PCGF2: variants seen among roughly 807,000 people sequenced by gnomAD.
PCGF2 encodes polycomb group RING finger protein 2.
Under a neutral mutation model 36.1 loss-of-function variants are expected in PCGF2, and 8 were observed. The observed-to-expected ratio is 0.22, with a 90% CI of 0.13 to 0.40. The LOEUF is 0.40. Among genes scored for constraint, PCGF2 ranks in the 10% least tolerant of loss-of-function variants. The probability of loss-of-function intolerance (pLI) is 1.00; values close to 1 mark genes in which losing one functional copy is unlikely to be tolerated. For missense variants in PCGF2, 436 were observed against 475.9 expected (o/e 0.92, Z 0.78); for synonymous variants, 198 against 191.2 (o/e 1.04, Z -0.29).
rs752386425 is a variant in PCGF2 at position 38,735,304 on chromosome 17, C to A, written c.954G>T (p.Leu318Phe). Reference sequence around the variant, plus strand: ...TGGAGGATGGTGTCTGCAGGCAGTTCAAGCTACCCCCGTTGGCAGCTGTGG... The same window carrying A: ...TGGAGGATGGTGTCTGCAGGCAGTTAAAGCTACCCCCGTTGGCAGCTGTGG... ...GATTAANGGS[L>F]NCLQTPSSTS... The change falls in exon 11 of 11, where the codon TTG (leucine) becomes TTT (phenylalanine). Residue 318 changes from leucine (L) to phenylalanine (F), a missense_variant. By Grantham distance (22) the Leu-to-Phe change is conservative (BLOSUM62 0). This residue lies in a region of PCGF2 where 227 missense variants were observed against 212.9 expected (regional missense o/e 1.07). Transcript: ENST00000620225. 2 of 1,520,820 alleles carry A rather than the reference C, an allele frequency of 1.3e-6. No homozygotes were observed. The highest frequency in any genetic ancestry group is 1.9e-5 in the Admixed American group (1 of 51,322). 94.2% of individuals were successfully genotyped at this position (1,520,820 alleles called of 1,614,324 possible).
At chr17:38,748,375 AGGGGGGAGGGGAGGGACCGGAGTGTG>A (rs1907697627), upstream of PCGF2, 1 of 8,722 alleles carries the variant, frequency 1.1e-4, no homozygotes, top group Non-Finnish European at 2.2e-4. Flanking sequence ...GAGGGGACCG[AGGGGGGAGGGGAGGGACCGGAGTGTG>A]GGGGGGAGAC....
chr17:38,739,215 AC>A lies in PCGF2; in HGVS notation c.247del (p.Val83SerfsTer9). On this transcript the variant is annotated frameshift_variant, in exon 5 of 11. Transcript: ENST00000620225. LOFTEE classifies it high-confidence loss of function. This position sits in a 1 kb window ranked among gnomAD's most constrained non-coding sequence, Gnocchi z 4.0. ...GCAGATACCTTTAAAAAGCCCAGGGACCAATTTGTAGACAATGTCTTGAAGT... is the reference window on the plus strand; with the variant it reads ...GCAGATACCTTTAAAAAGCCCAGGGACAATTTGTAGACAATGTCTTGAAGT... Reference protein sequence around the residue: ...KTLQDIVYKLVPGLFKDEMKR... With the variant: ...KTLQDIVYKLXPGLFKDEMKR... 6.2e-7 allele frequency: 1 copy of A among 1,614,088 alleles called. No homozygotes were observed. The highest frequency in any genetic ancestry group is 8.5e-7 in the Non-Finnish European group (1 of 1,179,986).
At chr17:38,737,322 G>A (rs1200807361) in intron 9 of PCGF2, among the ~76,000 whole-genome samples, 1 of 151,970 alleles carries the variant, frequency 6.6e-6, no homozygotes, top group South Asian at 2.1e-4. Flanking sequence ...AATTAGCCAC[G>A]TGTGGTGGCA....
intron 2 of PCGF2, among the ~76,000 whole-genome samples, chr17:38,745,583 T>A (rs1800343257): frequency 6.6e-6 from 1 of 152,228 alleles, no homozygotes; most frequent in Non-Finnish European, 1.5e-5. Context: ...AGATGTGACT[T>A]GTCTAAGGTC....
intron 2 of PCGF2, among the ~76,000 whole-genome samples, chr17:38,741,757 C>T (rs533712262): frequency 2.6e-5 from 4 of 152,240 alleles, no homozygotes; most frequent in Admixed American, 6.5e-5. Flanking sequence ...AAGTTGGGAA[C>T]GTGCAGCTCC....
At chr17:38,740,084 G>T (rs8081932) in intron 3 of PCGF2, among the ~76,000 whole-genome samples, 7,911 of 152,328 alleles carry the variant, frequency 0.052, 685 homozygotes, top group African/African-American at 0.18. Context: ...TCAGATGTGA[G>T]TCCTTGAAAT....
rs975877842 is a variant in PCGF2 at position 38,735,201 on chromosome 17, A to ATTC, written c.*21_*22insGAA. On this transcript the variant is annotated 3_prime_UTR_variant, in exon 11 of 11. Coordinates refer to ENST00000620225, the MANE Select transcript of PCGF2 (RefSeq NM_007144.3). ...GAAGGAGTGGAGAGGCTTGGCTGGA[A>ATTC]GAAGGGAGAGGGTCCCTGGCCTCAA... is the stretch of plus-strand genomic sequence containing the variant. The ATTC allele has an allele frequency of 1.9e-5, 26 of 1,382,234 alleles. No individual in the cohort carries two copies. In the African/African-American group the frequency reaches 3.5e-4, roughly 19 times the overall value. 85.6% of individuals were successfully genotyped at this position (1,382,234 alleles called of 1,614,324 possible).
intron 2 of PCGF2, among the ~76,000 whole-genome samples, chr17:38,741,744 C>A (rs1907214043): frequency 6.6e-6 from 1 of 152,180 alleles, no homozygotes; most frequent in Non-Finnish European, 1.5e-5. Context: ...CCTTACATGC[C>A]TGAAGTTGGG....
In PCGF2 at chr17:38,739,193, G is replaced by A. The variant is rs751009670; in HGVS notation, c.265+5C>T. 1 of 1,613,898 alleles carries A rather than the reference G, an allele frequency of 6.2e-7. No individual in the cohort carries two copies. The highest frequency in any genetic ancestry group is 1.3e-5 in the African/African-American group (1 of 74,910). On this transcript the variant is annotated splice_donor_5th_base_variant and intron_variant, in intron 5 of 10. Coordinates refer to ENST00000620225, the MANE Select transcript of PCGF2 (RefSeq NM_007144.3). This position sits in a 1 kb window ranked among gnomAD's most constrained non-coding sequence, Gnocchi z 4.0. ...GTCAGTGGAGGAGGAATGGAGTGCA[G>A]ATACCTTTAAAAAGCCCAGGGACCA...
chr17:38,741,182 G>A (rs548153096), intron 2 of PCGF2, among the ~76,000 whole-genome samples: 1 of 151,308 alleles, frequency 6.6e-6, no homozygotes, highest in South Asian at 2.1e-4. Flanking sequence ...TGCCTCACGT[G>A]ATCCCTTGAG....
rs1413951511 is a variant in PCGF2 at position 38,739,332 on chromosome 17, T to A, written c.210-79A>T. On this transcript the variant is annotated intron_variant, in intron 4 of 10. Coordinates refer to ENST00000620225, the MANE Select transcript of PCGF2 (RefSeq NM_007144.3). This position sits in a 1 kb window ranked among gnomAD's most constrained non-coding sequence, Gnocchi z 4.0. The stretch of plus-strand genomic sequence containing the variant: ...CCTCGCCCTGCTCTCCCAGCCAGGG[T>A]ACCCCTCTTCCCACCCCCTTCCTGA... 3.0e-6 allele frequency: 4 copies of A among 1,324,138 alleles called. No individual in the cohort carries two copies. In the African/African-American group the frequency reaches 4.3e-5, roughly 14 times the overall value. 82.0% of individuals were successfully genotyped at this position (1,324,138 alleles called of 1,614,324 possible).
Position 38,735,604 on chromosome 17 carries a change from C to T in PCGF2, c.658-4G>A, listed in dbSNP as rs368553294. The T allele has an allele frequency of 2.4e-5, 37 of 1,548,192 alleles. No homozygotes were observed. Among genetic ancestry groups the T allele is most frequent in the East Asian group, 7.0e-5 (3 of 42,932 alleles). On this transcript the variant is annotated splice_region_variant and splice_polypyrimidine_tract_variant and intron_variant, in intron 10 of 10. Coordinates refer to ENST00000620225, the MANE Select transcript of PCGF2 (RefSeq NM_007144.3). Reference sequence around the variant, plus strand: ...ACTTGAGGGGGAGAGGCCCGTTCTGCGGGGAGAGTGGGGAGGAGAGACACA... The same window carrying T: ...ACTTGAGGGGGAGAGGCCCGTTCTGTGGGGAGAGTGGGGAGGAGAGACACA...
chr17:38,747,093 G>T (rs993099263), intron 2 of PCGF2, among the ~76,000 whole-genome samples: 2 of 152,110 alleles, frequency 1.3e-5, no homozygotes, highest in African/African-American at 4.8e-5. Context: ...CTCGGGAAGC[G>T]CTGGGTAACA....
At position 38,739,516 on chromosome 17, in the gene PCGF2, G is replaced by A. The variant is rs767215410; in HGVS notation, c.209+70C>T. 5 of 1,240,510 alleles carry A rather than the reference G, an allele frequency of 4.0e-6. No individual in the cohort carries two copies. The highest frequency in any genetic ancestry group is 2.0e-4 in the Middle Eastern group (1 of 4,910). 76.8% of individuals were successfully genotyped at this position (1,240,510 alleles called of 1,614,324 possible). ...CTGCCGCCTTGGCTGAAGGAAGCAC[G>A]GAGCGTGGGAGGGATGGGGGAGGCT... On this transcript the variant is annotated intron_variant, in intron 4 of 10. Coordinates refer to ENST00000620225, the MANE Select transcript of PCGF2 (RefSeq NM_007144.3). This position sits in a 1 kb window ranked among gnomAD's most constrained non-coding sequence, Gnocchi z 4.0.
At chr17:38,738,709 C>A in intron 7 of PCGF2, 44 bp downstream of exon 7, 2 of 1,584,388 alleles carry the variant, frequency 1.3e-6, no homozygotes, top group Non-Finnish European at 1.7e-6. Flanking sequence ...GAAGGGGTTA[C>A]CCAGACTAGG....
At chr17:38,747,704 A>G (rs1346576385) in intron 2 of PCGF2, among the ~76,000 whole-genome samples, 175 bp downstream of exon 2, 1 of 152,144 alleles carries the variant, frequency 6.6e-6, no homozygotes, top group African/African-American at 2.4e-5. Context: ...GCCGGCCCCA[A>G]GTCCCCGCGC....
In PCGF2 at chr17:38,735,098, T is replaced by A; in HGVS notation, c.*125A>T. On this transcript the variant is annotated 3_prime_UTR_variant, in exon 11 of 11. Coordinates refer to ENST00000620225, the MANE Select transcript of PCGF2 (RefSeq NM_007144.3). ...GTACATATATATATATATTTATTTATAAAACCCGCCCCCCACCCCCAAGGT... is the reference window on the plus strand; with the variant it reads ...GTACATATATATATATATTTATTTAAAAAACCCGCCCCCCACCCCCAAGGT... 1.5e-6 allele frequency: 1 copy of A among 646,028 alleles called. No homozygotes were observed. Among genetic ancestry groups the A allele is most frequent in the Non-Finnish European group, 2.3e-6 (1 of 426,916 alleles). 40.0% of individuals were successfully genotyped at this position (646,028 alleles called of 1,614,324 possible).
chr17:38,745,300 C>T (rs1442989199), intron 2 of PCGF2, among the ~76,000 whole-genome samples: 2 of 152,152 alleles, frequency 1.3e-5, no homozygotes, highest in African/African-American at 4.8e-5. Flanking sequence ...CCACTGCACT[C>T]CAGCCTGGGC....
chr17:38,742,038 A>T (rs1007454975), intron 2 of PCGF2, among the ~76,000 whole-genome samples: 11 of 152,162 alleles, frequency 7.2e-5, no homozygotes, highest in Admixed American at 5.9e-4. Flanking sequence ...GATGCCTGCC[A>T]AAGCTGGGCA....
Sources: gnomAD v4.1 joint callset for allele counts (sites outside exome capture counted in the v4.1 genomes callset) on GRCh38, gnomAD v4.1.1 for gene constraint, gnomAD v4.1.1 regional missense constraint, Gnocchi (gnomAD v3.1) non-coding constraint, MANE v1.5 for transcripts, NCBI Gene and HGNC (gene_info 2026-07-23, HGNC 2026-07-21) for gene names.